SSR2: variants seen among roughly 807,000 people sequenced by gnomAD.
The protein encoded by SSR2 is translocon-associated protein subunit beta.
Under a neutral mutation model 22.6 loss-of-function variants are expected in SSR2, and 16 were observed. That is an observed-to-expected ratio of 0.71 (90% CI 0.48 to 1.08). The LOEUF is 1.08. Among genes scored for constraint, SSR2 ranks in the 50% least tolerant of loss-of-function variants. The pLI, the probability that SSR2 is intolerant of heterozygous loss-of-function variation, is 0.00. For synonymous variants in SSR2, 83 were observed against 91.2 expected, an observed-to-expected ratio of 0.91 and a Z score of 0.51; for missense variants, 171 against 221.6, an observed-to-expected ratio of 0.77 and a Z score of 1.45.
chr1:156,015,948 C>T (rs939290879), intron 3 of SSR2, among the ~76,000 whole-genome samples: 1 of 151,784 alleles, frequency 6.6e-6, no homozygotes, highest in Admixed American at 6.6e-5. Context: ...GTCAGAAGTT[C>T]GAGACCAGCC....
intron 1 of SSR2, 70 bp from the exon 2 acceptor site, chr1:156,020,237 G>C (rs769442300): frequency 1.3e-6 from 2 of 1,553,006 alleles, no homozygotes; most frequent in Non-Finnish European, 1.8e-6. Flanking sequence ...TCTTGACAGC[G>C]CTCCCGTAGA....
intron 3 of SSR2, among the ~76,000 whole-genome samples, chr1:156,016,648 C>T (rs905231271): frequency 2.6e-5 from 4 of 152,092 alleles, no homozygotes; most frequent in African/African-American, 9.6e-5. Context: ...CACCAATAAA[C>T]CTAAACGTAT....
At position 156,009,598 on chromosome 1, in the gene SSR2, A is replaced by G. The variant is rs760034153; in HGVS notation, c.494T>C (p.Leu165Pro). ...CCTCTTGCTGGAGTACCACAATAGC[A>G]GGGGGATGCCGATGGAGGGAAGGGT... ...VMTLPSIGIP[L>P]LLWYSSKRKY... Residue 165 changes from leucine to proline, a missense_variant, in exon 6 of 6, where the codon CTG (leucine) becomes CCG (proline). Physicochemically the swap from Leu to Pro is moderately conservative, Grantham distance 98. Coordinates refer to ENST00000295702, the MANE Select transcript of SSR2 (RefSeq NM_003145.4). The G allele has an allele frequency of 2.5e-6, 4 of 1,613,314 alleles. No homozygotes were observed. Among genetic ancestry groups the G allele is most frequent in the Non-Finnish European group, 3.4e-6 (4 of 1,179,672 alleles).
At chr1:156,016,515 C>T (rs910237151) in intron 3 of SSR2, among the ~76,000 whole-genome samples, 4 of 151,894 alleles carry the variant, frequency 2.6e-5, no homozygotes, top group African/African-American at 9.7e-5. Context: ...GGATTACAGG[C>T]GTAAGCCACC....
rs749771536 is a variant in SSR2, at chr1:156,018,308, C to A, written c.216G>T (p.Val72=). The change falls in exon 3 of 6, where the codon GTG becomes GTT. Residue 72 remains valine (V), a synonymous_variant. Transcript: ENST00000295702. ...DSFPPEDFGI[V]SGMLNVKWDR... ...CCCATTTGACATTGAGCATTCCAGA[C>A]ACAATGCCAAAGTCTTCTGGAGGGA... 5.0e-6 allele frequency: 8 copies of A among 1,613,992 alleles called. No individual in the cohort carries two copies. The highest frequency in any genetic ancestry group is 6.8e-6 in the Non-Finnish European group (8 of 1,179,992).
chr1:156,018,216 A>T, intron 3 of SSR2, 54 bp downstream of exon 3: 1 of 1,371,712 alleles, frequency 7.3e-7, no homozygotes, highest in Non-Finnish European at 1.0e-6. Context: ...GCTGCTTTGC[A>T]GGCAAGGCTC....
At chr1:156,012,482 T>C (rs1163584712) in intron 4 of SSR2, 1 of 454,712 alleles carries the variant, frequency 2.2e-6, no homozygotes, top group African/African-American at 2.0e-5. Context: ...AACAACTTTA[T>C]TCCAAAGTGG....
chr1:156,019,782 C>G (rs1344746805), intron 2 of SSR2, among the ~76,000 whole-genome samples: 1 of 152,156 alleles, frequency 6.6e-6, no homozygotes, highest in East Asian at 1.9e-4. Context: ...TTGCCACTTC[C>G]CTACTCTAAA....
At chr1:156,014,825 G>A in intron 4 of SSR2, 136 bp downstream of exon 4, 3 of 704,856 alleles carry the variant, frequency 4.3e-6, no homozygotes, top group Non-Finnish European at 7.4e-6. Flanking sequence ...ACAGGTGTGA[G>A]CCACTGCGCC....
intron 4 of SSR2, chr1:156,012,783 C>A (rs996984554): frequency 1.9e-5 from 6 of 308,078 alleles, no homozygotes; most frequent in Non-Finnish European, 3.3e-5. Context: ...TAAATTTATA[C>A]ATTTATTTGG....
At chr1:156,020,665 T>G (rs116675930) in intron 1 of SSR2, 21,487 of 344,270 alleles carry the variant, frequency 0.062, 957 homozygotes, top group Non-Finnish European at 0.08. Context: ...TGAGATCCCA[T>G]TCGTCCTCGC....
In SSR2 at chr1:156,011,815, G is replaced by T; in HGVS notation, c.436C>A (p.His146Asn). ...QREFDRRFSP[H>N]FLDWAAFGVM... ...GAGAACACTAGAAAGCTTACAAAAT[G>T]AGGGGAGAATCGCCTGTCAAACTCC... Residue 146 changes from histidine to asparagine, a missense_variant, in exon 5 of 6, where the codon CAT becomes AAT. His to Asn is a moderately conservative substitution (Grantham distance 68). Coordinates refer to ENST00000295702, the MANE Select transcript of SSR2 (RefSeq NM_003145.4). 5 of 1,613,572 alleles carry T rather than the reference G, an allele frequency of 3.1e-6. No homozygotes were observed. The highest frequency in any genetic ancestry group is 1.1e-5 in the South Asian group (1 of 91,058).
intron 3 of SSR2, among the ~76,000 whole-genome samples, chr1:156,016,660 C>T (rs1435094022): frequency 6.6e-6 from 1 of 152,080 alleles, no homozygotes; most frequent in Non-Finnish European, 1.5e-5. Flanking sequence ...TAAACGTATA[C>T]ATAATTATTA....
chr1:156,009,576 C>T lies in SSR2; in HGVS notation c.516G>A (p.Lys172=). 5.0e-6 allele frequency: 8 copies of T among 1,613,472 alleles called. No homozygotes were observed. The highest frequency in any genetic ancestry group is 6.8e-6 in the Non-Finnish European group (8 of 1,179,758). ...TCGTTTTGGGAGTGTCATATTTCCT[C>T]TTGCTGGAGTACCACAATAGCAGGG... ...GIPLLLWYSS[K]RKYDTPKTKK... The change falls in exon 6 of 6, where the codon AAG becomes AAA. Residue 172 remains lysine, a synonymous_variant. Coordinates refer to ENST00000295702, the MANE Select transcript of SSR2 (RefSeq NM_003145.4).
chr1:156,017,747 T>G (rs979898222), intron 3 of SSR2, among the ~76,000 whole-genome samples: 2 of 114,726 alleles, frequency 1.7e-5, no homozygotes, highest in Non-Finnish European at 3.7e-5. Flanking sequence ...AGGTTTTTTT[T>G]TTTTTTTTTT....
In SSR2 at chr1:156,009,493, G is replaced by T; in HGVS notation, c.*47C>A. 1 of 1,435,662 alleles carries T rather than the reference G, an allele frequency of 7.0e-7. No homozygotes were observed. The highest frequency in any genetic ancestry group is 1.1e-5 in the South Asian group (1 of 87,186). 88.9% of individuals were successfully genotyped at this position (1,435,662 alleles called of 1,614,324 possible). On this transcript the variant is annotated 3_prime_UTR_variant, in exon 6 of 6. Transcript: ENST00000295702. ...TCTGGAAAGCACCTGGATTTCTTGG[G>T]AGAGGAGCCTGGATTTCTTGGGAGA...
Position 156,011,903 on chromosome 1 carries a change from G to T in SSR2, c.364-16C>A. 7.5e-6 allele frequency: 12 copies of T among 1,607,582 alleles called. No individual in the cohort carries two copies. Among genetic ancestry groups the T allele is most frequent in the Non-Finnish European group, 1.0e-5 (12 of 1,174,630 alleles). On this transcript the variant is annotated splice_polypyrimidine_tract_variant and intron_variant, in intron 4 of 5. Coordinates refer to ENST00000295702, the MANE Select transcript of SSR2 (RefSeq NM_003145.4). The stretch of plus-strand genomic sequence containing the variant: ...TAGAGCCAATCTGAAAAGAAGAAAA[G>T]AACGACATTAAGGGAAGTCCACCTC...
Position 156,019,888 on chromosome 1 carries a change from C to T in SSR2, c.155+125G>A, listed in dbSNP as rs568250260. ...AGATCCCGAAGTGTATTCATTCACT[C>T]AATATATCTGATGCTGGAAGTGTCC... On this transcript the variant is annotated intron_variant, in intron 2 of 5. Coordinates refer to ENST00000295702, the MANE Select transcript of SSR2 (RefSeq NM_003145.4). The T allele has an allele frequency of 3.3e-5, 35 of 1,053,284 alleles. No homozygotes were observed. In the South Asian group the frequency reaches 6.1e-4, roughly 18 times the overall value. The allele number at this position is 1,053,284 out of a possible 1,614,324, so 65.2% of individuals were successfully genotyped here.
At chr1:156,018,133 T>G in intron 3 of SSR2, 137 bp downstream of exon 3, 5 of 627,730 alleles carry the variant, frequency 8.0e-6, no homozygotes, top group Non-Finnish European at 1.4e-5. Context: ...TACACCAACC[T>G]CTCTTGCTCC....
Sources: allele counts gnomAD v4.1 joint callset (sites outside exome capture counted in the v4.1 genomes callset), GRCh38; gene constraint gnomAD v4.1.1; transcripts MANE v1.5; gene names NCBI Gene and HGNC (gene_info 2026-07-23, HGNC 2026-07-21).